IL1RAP: variants seen among roughly 807,000 people sequenced by gnomAD.
The protein encoded by IL1RAP is interleukin-1 receptor accessory protein.
In IL1RAP, 35 loss-of-function variants were observed where a neutral mutation model predicts 60.7. That is an observed-to-expected ratio of 0.58 (90% CI 0.44 to 0.76). The LOEUF (loss-of-function observed/expected upper bound fraction) is 0.76. Among genes scored for constraint, IL1RAP ranks in the 30% least tolerant of loss-of-function variants. IL1RAP has a pLI of 0.00. For synonymous variants in IL1RAP, 268 were observed against 250.9 expected, an observed-to-expected ratio of 1.07 and a Z score of -0.64; for missense variants, 572 against 693.9, an observed-to-expected ratio of 0.82 and a Z score of 1.97.
intron 5 of IL1RAP, 100 bp downstream of exon 5, chr3:190,609,281 G>T: frequency 1.3e-6 from 1 of 778,368 alleles, no homozygotes; most frequent in Non-Finnish European, 2.0e-6. Context: ...TTTCTCTTCA[G>T]ATTATCTGAT....
intron 1 of IL1RAP, among the ~76,000 whole-genome samples, chr3:190,522,619 GGA>G (rs1360818823): frequency 1.4e-5 from 2 of 147,736 alleles, no homozygotes; most frequent in Admixed American, 1.4e-4. Flanking sequence ...AATCTCAGAT[GGA>G]GAGGGGGAGT....
chr3:190,645,932 C>A, intron 11 of IL1RAP, 90 bp downstream of exon 11: 1 of 1,103,994 alleles, frequency 9.1e-7, no homozygotes. Context: ...CATGGCACAG[C>A]ATCTTTGGAT....
At chr3:190,647,451 T>C (rs906833560) in intron 11 of IL1RAP, among the ~76,000 whole-genome samples, 2 of 152,200 alleles carry the variant, frequency 1.3e-5, no homozygotes, top group Non-Finnish European at 2.9e-5. Flanking sequence ...ATGGATTGGT[T>C]CCAAGAATTT....
chr3:190,529,111 G>A (rs184045364), intron 1 of IL1RAP, among the ~76,000 whole-genome samples: 228 of 152,338 alleles, frequency 1.5e-3, no homozygotes, highest in Middle Eastern at 6.8e-3. Flanking sequence ...GAAAAGGACA[G>A]ATTGGAGCCC....
chr3:190,637,885 C>T (rs186224839), intron 9 of IL1RAP, among the ~76,000 whole-genome samples: 2 of 151,946 alleles, frequency 1.3e-5, no homozygotes, highest in East Asian at 1.9e-4. Context: ...ATACAGAATG[C>T]GCTACTGTAT....
intron 1 of IL1RAP, among the ~76,000 whole-genome samples, chr3:190,527,515 C>T (rs1722609761): frequency 1.3e-5 from 2 of 152,098 alleles, no homozygotes; most frequent in African/African-American, 2.4e-5. Flanking sequence ...GCAGTGAAGA[C>T]ACATTTGGCA....
intron 9 of IL1RAP, among the ~76,000 whole-genome samples, chr3:190,637,247 C>T (rs560322227): frequency 6.6e-6 from 1 of 152,246 alleles, no homozygotes; most frequent in Admixed American, 6.5e-5. Context: ...TTCTTGGTAA[C>T]ATTTTAATCT....
At chr3:190,552,566 G>T (rs1396478169) in intron 1 of IL1RAP, among the ~76,000 whole-genome samples, 1 of 152,114 alleles carries the variant, frequency 6.6e-6, no homozygotes, top group Non-Finnish European at 1.5e-5. Context: ...TGATCCAAGT[G>T]CTTATCTTCC....
chr3:190,634,104 G>A (rs926067119), intron 9 of IL1RAP, among the ~76,000 whole-genome samples: 5 of 152,020 alleles, frequency 3.3e-5, no homozygotes, highest in African/African-American at 1.2e-4. Flanking sequence ...TCTATTGAGA[G>A]AATTATATGT....
intron 1 of IL1RAP, among the ~76,000 whole-genome samples, chr3:190,553,320 C>A (rs1425940708): frequency 6.6e-6 from 1 of 152,182 alleles, no homozygotes; most frequent in Non-Finnish European, 1.5e-5. Flanking sequence ...AAACATTGAT[C>A]CTTATCATTC....
intron 9 of IL1RAP, among the ~76,000 whole-genome samples, chr3:190,637,982 G>GTGGTT (rs1733359360): frequency 6.6e-6 from 1 of 152,000 alleles, no homozygotes; most frequent in Non-Finnish European, 1.5e-5. Flanking sequence ...TTGCCATGGA[G>GTGGTT]TGGTTTTGTT....
chr3:190,644,274 C>G lies in IL1RAP; in HGVS notation c.1078C>G (p.Leu360Val). 1 of 1,613,590 alleles carries G rather than the reference C, an allele frequency of 6.2e-7. No individual in the cohort carries two copies. Among genetic ancestry groups the G allele is most frequent in the Non-Finnish European group, 8.5e-7 (1 of 1,179,748 alleles). ...KVPAPRYTVELACGFGATVLL... is the reference protein window; with the variant it reads ...KVPAPRYTVEVACGFGATVLL... The stretch of plus-strand genomic sequence containing the variant: ...GCCAGCTCCAAGATACACAGTGGAA[C>G]TGGCTTGTGGTTTTGGAGCCACAGT... The change falls in exon 10 of 12, where the codon CTG (leucine) becomes GTG (valine). Residue 360 changes from leucine (L) to valine (V), a missense_variant. Leu to Val is a conservative substitution (Grantham distance 32). Transcript: ENST00000447382.
At chr3:190,571,709 T>G (rs2108648123) in intron 3 of IL1RAP, among the ~76,000 whole-genome samples, 1 of 152,332 alleles carries the variant, frequency 6.6e-6, no homozygotes, top group Middle Eastern at 3.4e-3. Flanking sequence ...TGAGAAGACT[T>G]TAGATTCACT....
intron 3 of IL1RAP, among the ~76,000 whole-genome samples, chr3:190,588,358 C>T (rs12488835): frequency 0.055 from 8,385 of 152,294 alleles, 367 homozygotes; most frequent in East Asian, 0.15. Context: ...GTGATCCGCC[C>T]GCCTGGGCCT....
intron 3 of IL1RAP, among the ~76,000 whole-genome samples, chr3:190,579,901 G>A (rs973303454): frequency 1.3e-5 from 2 of 152,158 alleles, no homozygotes; most frequent in Non-Finnish European, 2.9e-5. Flanking sequence ...CTATGATATA[G>A]CATGTATCAC....
In IL1RAP at chr3:190,528,003, C is replaced by T. The variant is rs547273356; in HGVS notation, c.-89+13784C>T. On this transcript the variant is annotated intron_variant, in intron 1 of 11. Coordinates refer to ENST00000447382, the MANE Select transcript of IL1RAP (RefSeq NM_002182.4). ...ACTGCTGCAGGATTTTTTTAAATGGCAAGTTTCAATATATACCTTTCTTCT... is the reference window on the plus strand; with the variant it reads ...ACTGCTGCAGGATTTTTTTAAATGGTAAGTTTCAATATATACCTTTCTTCT... Among the ~76,000 whole-genome samples, 24 of 151,942 alleles carry T rather than the reference C, an allele frequency of 1.6e-4. No individual in the cohort carries two copies. In the South Asian group the frequency reaches 4.2e-3, roughly 26 times the overall value.
intron 4 of IL1RAP, among the ~76,000 whole-genome samples, chr3:190,605,403 C>A (rs535448207): frequency 6.6e-6 from 1 of 152,212 alleles, no homozygotes; most frequent in African/African-American, 2.4e-5. Context: ...CACAGAATAG[C>A]CCTTTTCAGG....
At chr3:190,531,226 G>A (rs533163187) in intron 1 of IL1RAP, among the ~76,000 whole-genome samples, 1 of 152,030 alleles carries the variant, frequency 6.6e-6, no homozygotes, top group East Asian at 1.9e-4. Context: ...ACTCTAGCCT[G>A]AGCAACAGAG....
rs531762087 is a variant in IL1RAP at position 190,547,678 on chromosome 3, C to G, written c.-88-8452C>G. 2.9e-3 allele frequency among the ~76,000 whole-genome samples: 437 copies of G among 152,322 alleles called. 1 individual carries two copies. Among genetic ancestry groups the G allele is most frequent in the Non-Finnish European group, 3.8e-3 (257 of 68,024 alleles). On this transcript the variant is annotated intron_variant, in intron 1 of 11. Coordinates refer to ENST00000447382, the MANE Select transcript of IL1RAP (RefSeq NM_002182.4). Reference sequence around the variant, plus strand: ...GAAGGTAAAGGCTGCACTGAAGCCCCTGTGCTTTCTCCCAGGTGGCGAAGT... The same window carrying G: ...GAAGGTAAAGGCTGCACTGAAGCCCGTGTGCTTTCTCCCAGGTGGCGAAGT...
Sources: gnomAD v4.1 joint callset for allele counts (sites outside exome capture counted in the v4.1 genomes callset) on GRCh38, gnomAD v4.1.1 for gene constraint, MANE v1.5 for transcripts, NCBI Gene and HGNC (gene_info 2026-07-23, HGNC 2026-07-21) for gene names.